The following CPED1 variants were observed in gnomAD, a reference collection of about 807,000 sequenced individuals.
CPED1 encodes the protein cadherin like and PC-esterase domain containing 1, also known as cadherin-like and PC-esterase domain-containing protein 1.
In CPED1, 114 loss-of-function variants were observed where a neutral mutation model predicts 128.2. The observed-to-expected ratio is 0.89, with a 90% confidence interval of 0.76 to 1.04. The LOEUF (loss-of-function observed/expected upper bound fraction) is 1.04, where lower values mean the gene tolerates loss of function less well. Ranked by LOEUF, CPED1 falls within the 50% of genes least tolerant of loss-of-function variation. CPED1 has a pLI of 0.00. For missense variants in CPED1, 1,211 were observed against 1,207.1 expected (o/e 1.00, Z -0.05); for synonymous variants, 462 against 426.7 (o/e 1.08, Z -1.02).
At chr7:121,240,774 A>AAAAAAAAAAAT (rs1554452617) in intron 17 of CPED1, among the ~76,000 whole-genome samples, 8 of 150,500 alleles carry the variant, frequency 5.3e-5, no homozygotes, top group African/African-American at 1.9e-4. Context: ...TTAAAAAAAA[A>AAAAAAAAAAAT]AAAAAAGTGA....
chr7:121,154,253 G>C (rs912381474), intron 16 of CPED1, among the ~76,000 whole-genome samples: 1 of 152,122 alleles, frequency 6.6e-6, no homozygotes, highest in Non-Finnish European at 1.5e-5. Flanking sequence ...ACAGTAAAAA[G>C]GGATCTCTCT....
At chr7:121,153,517 A>C (rs1796206915) in intron 16 of CPED1, among the ~76,000 whole-genome samples, 1 of 152,192 alleles carries the variant, frequency 6.6e-6, no homozygotes, top group East Asian at 1.9e-4. Flanking sequence ...CCACTTATTA[A>C]CTCAATTCTC....
At chr7:121,215,180 C>A (rs1404527544) in intron 16 of CPED1, among the ~76,000 whole-genome samples, 1 of 151,964 alleles carries the variant, frequency 6.6e-6, no homozygotes, top group Non-Finnish European at 1.5e-5. Flanking sequence ...AAAGCATATT[C>A]CAGTGAAGCC....
intron 5 of CPED1, among the ~76,000 whole-genome samples, chr7:121,081,667 A>G (rs377103608): frequency 1.3e-5 from 2 of 152,164 alleles, no homozygotes. Flanking sequence ...AAAAGGAGGT[A>G]CTCTGATTTA....
chr7:121,227,616 T>A (rs1039568573), intron 16 of CPED1, among the ~76,000 whole-genome samples: 4 of 152,062 alleles, frequency 2.6e-5, no homozygotes, highest in African/African-American at 9.7e-5. Flanking sequence ...CAGCTATATA[T>A]TAAGATGAAG....
intron 5 of CPED1, among the ~76,000 whole-genome samples, chr7:121,079,350 C>A (rs1365867366): frequency 6.6e-6 from 1 of 152,230 alleles, no homozygotes; most frequent in Non-Finnish European, 1.5e-5. Context: ...TGTTTGTTGA[C>A]TGCTTATGGT....
At chr7:121,294,549 A>G (rs1169962120) in intron 22 of CPED1, among the ~76,000 whole-genome samples, 1 of 152,108 alleles carries the variant, frequency 6.6e-6, no homozygotes, top group Non-Finnish European at 1.5e-5. Context: ...AAAATGGTGG[A>G]TCCCTGCACC....
chr7:121,232,515 G>A (rs12672898), intron 16 of CPED1, among the ~76,000 whole-genome samples: 69,049 of 151,878 alleles, frequency 0.45, 16,351 homozygotes, highest in Middle Eastern at 0.56. Flanking sequence ...AGTTCATCAG[G>A]ACATTGGGGA....
chr7:121,000,335 A>G (rs1258750140), intron 2 of CPED1, among the ~76,000 whole-genome samples: 1 of 152,184 alleles, frequency 6.6e-6, no homozygotes, highest in Non-Finnish European at 1.5e-5. Flanking sequence ...TTCAAAATGT[A>G]ACATTAAGCA....
intron 5 of CPED1, among the ~76,000 whole-genome samples, chr7:121,079,160 C>T (rs1584496280): frequency 1.3e-5 from 2 of 152,120 alleles, no homozygotes; most frequent in African/African-American, 4.8e-5. Flanking sequence ...AGGACTTCAA[C>T]ATATAAATAT....
intron 5 of CPED1, among the ~76,000 whole-genome samples, chr7:121,081,256 A>T (rs1048237370): frequency 6.6e-6 from 1 of 152,308 alleles, no homozygotes; most frequent in East Asian, 1.9e-4. Flanking sequence ...AGTGCAATAC[A>T]TTCGTTTTCC....
In CPED1 at chr7:121,199,407, C is replaced by T. The variant is rs189676807; in HGVS notation, c.2056-37307C>T. 1.2e-4 allele frequency among the ~76,000 whole-genome samples: 18 copies of T among 151,846 alleles called. 1 individual carries two copies. The highest frequency in any genetic ancestry group is 4.2e-4 in the South Asian group (2 of 4,812). Reference sequence around the variant, plus strand: ...AAAAATACAAACATAGGGCTGAGCGCGGTGGCTCACACCTATAATCCCAGC... The same window carrying T: ...AAAAATACAAACATAGGGCTGAGCGTGGTGGCTCACACCTATAATCCCAGC... On this transcript the variant is annotated intron_variant, in intron 16 of 22. Transcript: ENST00000310396.
At chr7:121,132,081 A>G (rs1330677692) in intron 12 of CPED1, among the ~76,000 whole-genome samples, 5 of 152,004 alleles carry the variant, frequency 3.3e-5, no homozygotes, top group Non-Finnish European at 7.4e-5. Context: ...TTTCATTTGC[A>G]TTCAAGAAAA....
chr7:121,194,018 C>CTA (rs34408932), intron 16 of CPED1, among the ~76,000 whole-genome samples: 3 of 71,526 alleles, frequency 4.2e-5, no homozygotes, highest in East Asian at 4.1e-4. Flanking sequence ...CTCTCTCTCT[C>CTA]TCTCTATATA....
At chr7:120,997,545 A>G (rs141411057) in intron 2 of CPED1, among the ~76,000 whole-genome samples, 3 of 152,362 alleles carry the variant, frequency 2.0e-5, no homozygotes, top group Non-Finnish European at 4.4e-5. Context: ...TTACTTGGAA[A>G]TAGGGTTATC....
At chr7:121,033,358 C>G (rs1357993343) in intron 3 of CPED1, among the ~76,000 whole-genome samples, 1 of 152,194 alleles carries the variant, frequency 6.6e-6, no homozygotes, top group Non-Finnish European at 1.5e-5. Flanking sequence ...GCTGGCAAGA[C>G]ACATAGAAGT....
chr7:121,046,875 T>C lies in CPED1; in HGVS notation c.434-12T>C. ...GAAAACTTATTTGTTTTGAATATTCTTTTGCTTTTAGGTGATCTGGGCTCT... is the reference window on the plus strand; with the variant it reads ...GAAAACTTATTTGTTTTGAATATTCCTTTGCTTTTAGGTGATCTGGGCTCT... On this transcript the variant is annotated splice_polypyrimidine_tract_variant and intron_variant, in intron 3 of 22. Coordinates refer to ENST00000310396, the MANE Select transcript of CPED1 (RefSeq NM_024913.5). 1.9e-6 allele frequency: 3 copies of C among 1,561,428 alleles called. No homozygotes were observed. The highest frequency in any genetic ancestry group is 2.3e-5 in the South Asian group (2 of 86,076).
intron 22 of CPED1, among the ~76,000 whole-genome samples, chr7:121,293,098 A>G (rs1043987908): frequency 1.3e-5 from 2 of 152,174 alleles, no homozygotes; most frequent in African/African-American, 4.8e-5. Context: ...GGAACGTTTA[A>G]GTCTGCTGAA....
intron 2 of CPED1, among the ~76,000 whole-genome samples, chr7:121,009,606 C>CAAAA (rs372071345): frequency 4.4e-5 from 4 of 90,684 alleles, no homozygotes; most frequent in African/African-American, 1.3e-4. Flanking sequence ...GCCCCTGTCT[C>CAAAA]AAAAAAAAAA....
Sources: allele counts gnomAD v4.1 joint callset (sites outside exome capture counted in the v4.1 genomes callset), GRCh38; gene constraint gnomAD v4.1.1; transcripts MANE v1.5; gene names NCBI Gene and HGNC (gene_info 2026-07-23, HGNC 2026-07-21).